FBXO21: variants seen among roughly 807,000 people sequenced by gnomAD.
The protein encoded by FBXO21 is F-box only protein 21.
In FBXO21, 32 loss-of-function variants were observed where a neutral mutation model predicts 76.6. The ratio of observed to expected loss-of-function variants is 0.42; its 90% CI spans 0.32 to 0.56. The LOEUF (loss-of-function observed/expected upper bound fraction) is 0.56, where lower values mean the gene tolerates loss of function less well. FBXO21 is among the 20% of genes least tolerant of loss of function. FBXO21 has a pLI of 0.16. For missense variants in FBXO21, 586 were observed against 797.3 expected (o/e 0.73, Z 3.19); for synonymous variants, 328 against 311.5 (o/e 1.05, Z -0.56).
intron 9 of FBXO21, among the ~76,000 whole-genome samples, chr12:117,159,830 TCAGAGAA>T (rs1317529306): frequency 2.0e-5 from 3 of 152,152 alleles, no homozygotes; most frequent in Non-Finnish European, 4.4e-5. Context: ...CTTGGCATCG[TCAGAGAA>T]CAGAGGAAGT....
chr12:117,165,254 T>C (rs1000972790), intron 9 of FBXO21, among the ~76,000 whole-genome samples: 2 of 152,106 alleles, frequency 1.3e-5, no homozygotes, highest in Non-Finnish European at 2.9e-5. Flanking sequence ...TTTGTGGTTC[T>C]AGGGTTTAAG....
chr12:117,169,815 G>GT (rs1416579500), intron 7 of FBXO21, among the ~76,000 whole-genome samples: 1 of 152,086 alleles, frequency 6.6e-6, no homozygotes, highest in Non-Finnish European at 1.5e-5. Context: ...CTTTGAAATT[G>GT]TAAAAGCATT....
intron 2 of FBXO21, among the ~76,000 whole-genome samples, chr12:117,188,319 C>A (rs1035422471): frequency 3.3e-5 from 5 of 152,134 alleles, no homozygotes; most frequent in Non-Finnish European, 5.9e-5. Context: ...CAGAGGCCGG[C>A]GGATCACTTG....
In FBXO21 at chr12:117,190,422, A is replaced by C. The variant is rs1956336565; in HGVS notation, c.35T>G (p.Val12Gly). 6.9e-7 allele frequency: 1 copy of C among 1,459,152 alleles called. No individual in the cohort carries two copies. The highest frequency in any genetic ancestry group is 9.1e-7 in the Non-Finnish European group (1 of 1,100,024). 90.4% of individuals were successfully genotyped at this position (1,459,152 alleles called of 1,614,324 possible). The change falls in exon 1 of 12, where the codon GTG (valine) becomes GGG (glycine). Residue 12 changes from valine (V) to glycine (G), a missense_variant. Physicochemically the swap from Val to Gly is moderately radical, Grantham distance 109 (BLOSUM62 -3). Around this residue, in one of 6 missense-constraint regions of FBXO21, gnomAD observed 152 missense variants for 127.2 expected, o/e 1.19. Coordinates refer to ENST00000622495, the MANE Select transcript of FBXO21 (RefSeq NM_015002.3). ...GGCCTCCTCCGCCAGCGCCGGCACC[A>C]CCTCCATCGCGCTGTCGACTGCTGC... Reference protein sequence around the residue: ...AAAAVDSAMEVVPALAEEAAP... With the variant: ...AAAAVDSAMEGVPALAEEAAP...
At chr12:117,170,342 G>T (rs1462748510) in intron 7 of FBXO21, among the ~76,000 whole-genome samples, 1 of 152,062 alleles carries the variant, frequency 6.6e-6, no homozygotes, top group Non-Finnish European at 1.5e-5. Flanking sequence ...GTAATCCCTG[G>T]CTCCAATCAA....
At chr12:117,146,471 T>C (rs1002507048) in intron 11 of FBXO21, among the ~76,000 whole-genome samples, 194 bp from the exon 12 acceptor site, 1 of 152,104 alleles carries the variant, frequency 6.6e-6, no homozygotes, top group Non-Finnish European at 1.5e-5. Flanking sequence ...AGGTGGGTGG[T>C]GGCACGGGTG....
chr12:117,186,642 A>G (rs1956285972), intron 2 of FBXO21, 71 bp from the exon 3 acceptor site: 1 of 994,852 alleles, frequency 1.0e-6, no homozygotes, highest in Admixed American at 2.1e-5. Context: ...CACAAATTTG[A>G]GCTGAAATAA....
At chr12:117,153,279 G>A (rs939779990) in intron 11 of FBXO21, among the ~76,000 whole-genome samples, 3 of 152,120 alleles carry the variant, frequency 2.0e-5, no homozygotes, top group African/African-American at 7.2e-5. Flanking sequence ...CGAGGGCAAG[G>A]GGAGAAGAGC....
intron 10 of FBXO21, among the ~76,000 whole-genome samples, chr12:117,156,254 G>A (rs1237465488): frequency 6.6e-6 from 1 of 152,178 alleles, no homozygotes; most frequent in Non-Finnish European, 1.5e-5. Context: ...AAAGACTCAG[G>A]TGTTAAATGC....
chr12:117,146,951 T>C (rs1593054015), intron 11 of FBXO21, among the ~76,000 whole-genome samples: 1 of 152,028 alleles, frequency 6.6e-6, no homozygotes, highest in African/African-American at 2.4e-5. Flanking sequence ...ACTAGAGAAA[T>C]AGAAAATAAG....
At chr12:117,174,079 G>A (rs1400134562) in intron 6 of FBXO21, 126 bp downstream of exon 6, 1 of 765,486 alleles carries the variant, frequency 1.3e-6, no homozygotes, top group African/African-American at 1.7e-5. Flanking sequence ...TGAGGTTGCG[G>A]TAAGCTATGA....
At chr12:117,146,943 T>C (rs1955777728) in intron 11 of FBXO21, among the ~76,000 whole-genome samples, 1 of 152,092 alleles carries the variant, frequency 6.6e-6, no homozygotes, top group East Asian at 1.9e-4. Flanking sequence ...ATTTTGCCAC[T>C]AGAGAAATAG....
At chr12:117,181,887 G>A (rs965052283) in intron 3 of FBXO21, among the ~76,000 whole-genome samples, 1 of 152,134 alleles carries the variant, frequency 6.6e-6, no homozygotes, top group African/African-American at 2.4e-5. Context: ...CTGACCTCAG[G>A]TGATCTGCCC....
At chr12:117,151,713 T>A (rs1471513000) in intron 11 of FBXO21, among the ~76,000 whole-genome samples, 3 of 151,574 alleles carry the variant, frequency 2.0e-5, no homozygotes, top group Non-Finnish European at 4.4e-5. Flanking sequence ...AATCCAGGAA[T>A]CTATGGCAGA....
At chr12:117,185,797 GATTCA>G (rs1956276015) in intron 3 of FBXO21, among the ~76,000 whole-genome samples, 1 of 152,154 alleles carries the variant, frequency 6.6e-6, no homozygotes, top group African/African-American at 2.4e-5. Flanking sequence ...TAAATTAAAA[GATTCA>G]ATTCATGATA....
intron 9 of FBXO21, 78 bp from the exon 10 acceptor site, chr12:117,158,141 C>G: frequency 6.5e-7 from 1 of 1,531,330 alleles, no homozygotes; most frequent in Non-Finnish European, 9.0e-7. Flanking sequence ...GGATTTAGAC[C>G]TACCTACGTA....
Position 117,142,828 on chromosome 12 carries a change from T to C in FBXO21, c.*3259A>G, listed in dbSNP as rs1332650906. On this transcript the variant is annotated 3_prime_UTR_variant, in exon 12 of 12. Coordinates refer to ENST00000622495, the MANE Select transcript of FBXO21 (RefSeq NM_015002.3). ...GAGGGGAAAGCAAAGAGATGCGACA[T>C]CAGCAGCAGAAAGCCTGCGACACGG... 1 of 152,116 alleles carries C rather than the reference T, an allele frequency of 6.6e-6. No individual in the cohort carries two copies. The highest frequency in any genetic ancestry group is 2.4e-5 in the African/African-American group (1 of 41,418). The allele number at this position is 152,116 out of a possible 1,614,324, so 9.4% of individuals were successfully genotyped here.
rs780469332 is a variant in FBXO21, at chr12:117,146,072, T to C, written c.*15A>G. ...GATAGCAGCAGCAGCAAAGGTGCAATGTCCTCTCTAGACTTTACTCATCTA... is the reference window on the plus strand; with the variant it reads ...GATAGCAGCAGCAGCAAAGGTGCAACGTCCTCTCTAGACTTTACTCATCTA... On this transcript the variant is annotated 3_prime_UTR_variant, in exon 12 of 12. Transcript: ENST00000622495. The C allele has an allele frequency of 1.9e-6, 3 of 1,551,008 alleles. No homozygotes were observed. In the African/African-American group the frequency reaches 4.1e-5, roughly 21 times the overall value.
At chr12:117,153,306 G>C (rs992482963) in intron 11 of FBXO21, among the ~76,000 whole-genome samples, 1 of 152,158 alleles carries the variant, frequency 6.6e-6, no homozygotes, top group African/African-American at 2.4e-5. Context: ...CGGCCCCCAC[G>C]TGGTGTCACT....
Sources: gnomAD v4.1 joint callset for allele counts (sites outside exome capture counted in the v4.1 genomes callset) on GRCh38, gnomAD v4.1.1 for gene constraint, gnomAD v4.1.1 regional missense constraint, MANE v1.5 for transcripts, NCBI Gene and HGNC (gene_info 2026-07-23, HGNC 2026-07-21) for gene names.